NRXN1: variants seen among roughly 807,000 people sequenced by gnomAD.
The protein encoded by NRXN1 is neurexin 1.
Under a neutral mutation model 150.9 loss-of-function variants are expected in NRXN1, and 39 were observed. That is an observed-to-expected ratio of 0.26 (90% CI 0.20 to 0.34). The LOEUF is 0.34. Among genes scored for constraint, NRXN1 ranks in the 10% least tolerant of loss-of-function variants. NRXN1 has a pLI of 1.00. For missense variants in NRXN1, 1,815 were observed against 1,949.9 expected (o/e 0.93, Z 1.30); for synonymous variants, 924 against 757.0 (o/e 1.22, Z -3.62).
At chr2:50,061,562 A>C (rs1315104576) in intron 19 of NRXN1, among the ~76,000 whole-genome samples, 1 of 152,214 alleles carries the variant, frequency 6.6e-6, no homozygotes, top group Non-Finnish European at 1.5e-5. Flanking sequence ...TAAATGACCC[A>C]CTTTTCAAAG....
intron 5 of NRXN1, chr2:50,625,088 T>C (rs933624538): frequency 4.6e-5 from 7 of 152,060 alleles, no homozygotes; most frequent in African/African-American, 7.2e-5. Flanking sequence ...CTATCACTAT[T>C]ATGCCCCCGA....
At chr2:50,807,776 T>C (rs182265058) in intron 5 of NRXN1, among the ~76,000 whole-genome samples, 123 of 152,288 alleles carry the variant, frequency 8.1e-4, no homozygotes, top group African/African-American at 2.8e-3. Flanking sequence ...TTATTTTGAG[T>C]TACTAGTACA....
intron 5 of NRXN1, among the ~76,000 whole-genome samples, chr2:50,735,689 A>G (rs1698652894): frequency 6.6e-6 from 1 of 152,116 alleles, no homozygotes; most frequent in Non-Finnish European, 1.5e-5. Context: ...TCCCTCAATT[A>G]GTCCCATACC....
intron 3 of NRXN1, among the ~76,000 whole-genome samples, chr2:50,924,459 C>G (rs918579147): frequency 2.0e-5 from 3 of 151,386 alleles, no homozygotes; most frequent in Non-Finnish European, 4.4e-5. Flanking sequence ...TCTTGGGATG[C>G]AATAGGATTT....
At chr2:50,744,795 T>C (rs1699825367) in intron 5 of NRXN1, among the ~76,000 whole-genome samples, 1 of 152,136 alleles carries the variant, frequency 6.6e-6, no homozygotes, top group Admixed American at 6.6e-5. Flanking sequence ...TGTTCTTTTC[T>C]AGGGAAATAA....
chr2:50,218,432 G>T (rs548359340), intron 18 of NRXN1, among the ~76,000 whole-genome samples: 346 of 151,132 alleles, frequency 2.3e-3, no homozygotes, highest in African/African-American at 7.9e-3. Flanking sequence ...CAAAATGGAA[G>T]AATATCTCTC....
At chr2:50,941,451 G>C (rs1026880843) in intron 2 of NRXN1, among the ~76,000 whole-genome samples, 4 of 152,130 alleles carry the variant, frequency 2.6e-5, no homozygotes, top group Non-Finnish European at 5.9e-5. Context: ...GAATGGTCCT[G>C]ACCAAAATAC....
chr2:50,401,842 T>C (rs935291437), intron 17 of NRXN1, among the ~76,000 whole-genome samples: 1 of 152,154 alleles, frequency 6.6e-6, no homozygotes, highest in African/African-American at 2.4e-5. Flanking sequence ...TATTTCAATA[T>C]CTTGCTATAT....
intron 21 of NRXN1, among the ~76,000 whole-genome samples, chr2:49,982,326 T>C (rs1680119220): frequency 6.6e-6 from 1 of 152,178 alleles, no homozygotes; most frequent in Non-Finnish European, 1.5e-5. Context: ...AAAATGTTTT[T>C]CTTTAAAACT....
chr2:49,920,412 T>C lies in NRXN1; in HGVS notation c.*1532A>G, dbSNP rs200632190. On this transcript the variant is annotated 3_prime_UTR_variant, in exon 23 of 23. Transcript: ENST00000401669. ...TCAATTGCAGCAGCCAGAGTTAAGG[T>C]GTAGATTAACCAATTTTGCTTCCAT... 2.0e-5 allele frequency: 3 copies of C among 152,552 alleles called. No homozygotes were observed. The highest frequency in any genetic ancestry group is 1.3e-4 in the Admixed American group (2 of 15,266). The allele number at this position is 152,552 out of a possible 1,614,324, so 9.4% of individuals were successfully genotyped here. A position where few individuals can be genotyped will look rare whatever the true frequency, so the allele number is the denominator to read the frequency against.
intron 5 of NRXN1, among the ~76,000 whole-genome samples, chr2:50,785,243 C>CTTTTTTTT (rs35158893): frequency 5.7e-5 from 6 of 106,066 alleles, no homozygotes; most frequent in Non-Finnish European, 9.6e-5. Context: ...AGAAAATACA[C>CTTTTTTTT]TTTTTTTTTT....
chr2:50,643,858 T>A (rs536748310), intron 5 of NRXN1, among the ~76,000 whole-genome samples: 1 of 151,900 alleles, frequency 6.6e-6, no homozygotes, highest in African/African-American at 2.4e-5. Flanking sequence ...TCTCAAAAAA[T>A]TTAGGCTTTT....
intron 17 of NRXN1, among the ~76,000 whole-genome samples, chr2:50,394,259 A>G (rs974925800): frequency 3.5e-4 from 53 of 152,024 alleles, no homozygotes; most frequent in Admixed American, 3.1e-3. Flanking sequence ...ACTCTCCCTG[A>G]AAATTCTGAC....
chr2:50,560,001 A>G (rs921733811), intron 8 of NRXN1, among the ~76,000 whole-genome samples: 1 of 152,188 alleles, frequency 6.6e-6, no homozygotes, highest in Non-Finnish European at 1.5e-5. Context: ...TGATTAAATG[A>G]AAGGAGAAAA....
intron 8 of NRXN1, among the ~76,000 whole-genome samples, chr2:50,585,158 G>A (rs1308609821): frequency 2.0e-5 from 3 of 152,062 alleles, no homozygotes; most frequent in South Asian, 2.1e-4. Context: ...TTCGGTGTTC[G>A]GTGTGCTTAG....
intron 15 of NRXN1, among the ~76,000 whole-genome samples, chr2:50,475,909 C>A (rs1442532242): frequency 6.6e-6 from 1 of 151,746 alleles, no homozygotes; most frequent in Non-Finnish European, 1.5e-5. Flanking sequence ...ACTAATGGGT[C>A]CTGCAGGTGA....
intron 21 of NRXN1, among the ~76,000 whole-genome samples, chr2:49,996,671 G>A (rs1437838970): frequency 1.3e-5 from 2 of 152,164 alleles, no homozygotes; most frequent in South Asian, 2.1e-4. Context: ...GCAAGGAAGG[G>A]GCCATAAACT....
chr2:50,953,589 C>T (rs1245024221), intron 2 of NRXN1, among the ~76,000 whole-genome samples: 1 of 149,212 alleles, frequency 6.7e-6, no homozygotes, highest in Non-Finnish European at 1.5e-5. Context: ...TGAAGTCTCG[C>T]TTTGTCACCC....
chr2:50,488,907 T>C (rs1451274974), intron 15 of NRXN1, among the ~76,000 whole-genome samples: 1 of 152,214 alleles, frequency 6.6e-6, no homozygotes, highest in Non-Finnish European at 1.5e-5. Flanking sequence ...AAGAGGGACC[T>C]GCACCAAAGG....
Sources: gnomAD v4.1 joint callset for allele counts (sites outside exome capture counted in the v4.1 genomes callset) on GRCh38, gnomAD v4.1.1 for gene constraint, MANE v1.5 for transcripts, NCBI Gene and HGNC (gene_info 2026-07-23, HGNC 2026-07-21) for gene names.